The following L3HYPDH variants were observed in gnomAD, a reference collection of about 807,000 sequenced individuals.
L3HYPDH encodes trans-L-3-hydroxyproline dehydratase, also known as trans-3-hydroxy-L-proline dehydratase.
A neutral mutation model predicts 26.5 loss-of-function variants in L3HYPDH; 32 were observed. The observed-to-expected ratio is 1.21, with a 90% CI of 0.91 to 1.62. The LOEUF is 1.62. Among genes scored for constraint, L3HYPDH ranks in the 40% most tolerant of loss-of-function variants. The pLI is 0.00. For synonymous variants in L3HYPDH, 215 were observed against 196.6 expected (o/e 1.09, Z -0.78); for missense variants, 554 against 476.4 (o/e 1.16, Z -1.52).
chr14:59,488,330 C>T (rs1890736153), upstream of L3HYPDH, among the ~76,000 whole-genome samples: 1 of 151,984 alleles, frequency 6.6e-6, no homozygotes, highest in African/African-American at 2.4e-5. Context: ...TAGTCATAAT[C>T]TTGTGGAGAA....
At chr14:59,470,323 A>C (rs1010228960), downstream of L3HYPDH, among the ~76,000 whole-genome samples, 1 of 152,234 alleles carries the variant, frequency 6.6e-6, no homozygotes, top group African/African-American at 2.4e-5. Flanking sequence ...GTGTCTGATG[A>C]ATGAGAATCT....
At chr14:59,495,386 G>T in the L3HYPDH span, 1 of 586,932 alleles carries the variant, frequency 1.7e-6, no homozygotes, top group Non-Finnish European at 3.0e-6. Context: ...TGTAACTTCA[G>T]TTTTCTCTTT....
chr14:59,475,811 G>A (rs1889585429), intron 4 of L3HYPDH, 58 bp downstream of exon 4: 15 of 1,502,520 alleles, frequency 1.0e-5, no homozygotes, highest in Admixed American at 2.0e-5. Flanking sequence ...CCCAACTCAG[G>A]CCTCTCCAGT....
At position 59,472,858 on chromosome 14, in the gene L3HYPDH, GAGTT is replaced by G. The variant is rs1889361273; in HGVS notation, c.*103_*106del. On this transcript the variant is annotated 3_prime_UTR_variant, in exon 5 of 5. Coordinates refer to ENST00000247194, the MANE Select transcript of L3HYPDH (RefSeq NM_144581.2). ...CAGGGTAGTATTTTACAAAGAATGAGAGTTAGTTTATATGTATAATTTATTTGTT... is the reference window on the plus strand; with the variant it reads ...CAGGGTAGTATTTTACAAAGAATGAGAGTTTATATGTATAATTTATTTGTT... 1.0e-6 allele frequency: 1 copy of G among 987,416 alleles called. No individual in the cohort carries two copies. The highest frequency in any genetic ancestry group is 1.4e-6 in the Non-Finnish European group (1 of 702,418). 61.2% of individuals were successfully genotyped at this position (987,416 alleles called of 1,614,324 possible).
the L3HYPDH span, among the ~76,000 whole-genome samples, chr14:59,492,727 T>G: frequency 6.6e-6 from 1 of 152,140 alleles, no homozygotes; most frequent in Admixed American, 6.5e-5. Flanking sequence ...CATAAATGTT[T>G]TGTTAAGTCT....
the L3HYPDH span, among the ~76,000 whole-genome samples, chr14:59,502,399 A>C: frequency 6.6e-6 from 1 of 152,170 alleles, no homozygotes; most frequent in African/African-American, 2.4e-5. Context: ...ATAATTCCTA[A>C]CAGAGAAAAC....
the L3HYPDH span, among the ~76,000 whole-genome samples, chr14:59,490,301 G>C: frequency 6.6e-6 from 1 of 152,174 alleles, no homozygotes; most frequent in Admixed American, 6.5e-5. Flanking sequence ...ACAGCTCCAA[G>C]TCATTCATGA....
intron 1 of L3HYPDH, among the ~76,000 whole-genome samples, chr14:59,482,375 G>C (rs977293876): frequency 2.0e-5 from 3 of 152,146 alleles, no homozygotes; most frequent in Non-Finnish European, 4.4e-5. Flanking sequence ...GATGCTCTCA[G>C]GAACTACTGA....
the L3HYPDH span, chr14:59,503,940 T>A: frequency 6.2e-7 from 1 of 1,613,688 alleles, no homozygotes; most frequent in African/African-American, 1.3e-5. Context: ...TAATCTCCAT[T>A]TCCAGAGTGG....
chr14:59,482,779 T>C (rs958648482), intron 1 of L3HYPDH, among the ~76,000 whole-genome samples: 12 of 152,204 alleles, frequency 7.9e-5, no homozygotes, highest in African/African-American at 2.9e-4. Context: ...TCAGGGGGAA[T>C]CAAGGTCCAA....
chr14:59,490,659 A>G, the L3HYPDH span, among the ~76,000 whole-genome samples: 1,116 of 152,348 alleles, frequency 7.3e-3, 14 homozygotes, highest in African/African-American at 0.025. Context: ...GGTTATTTAC[A>G]TTGGGAAAGC....
chr14:59,474,488 G>A (rs760547164), intron 4 of L3HYPDH: 1 of 699,298 alleles, frequency 1.4e-6, no homozygotes, highest in African/African-American at 1.8e-5. Flanking sequence ...TCTCTATTTG[G>A]GGGGACATTG....
At chr14:59,501,835 A>G in the L3HYPDH span, among the ~76,000 whole-genome samples, 2 of 152,156 alleles carry the variant, frequency 1.3e-5, no homozygotes, top group African/African-American at 2.4e-5. Flanking sequence ...TAATATTTTA[A>G]TATTTCAGTG....
At chr14:59,501,312 T>C in the L3HYPDH span, 1 of 1,247,026 alleles carries the variant, frequency 8.0e-7, no homozygotes, top group Non-Finnish European at 1.2e-6. Flanking sequence ...TTGATAAATT[T>C]GACAATTCAA....
chr14:59,472,925 G>A lies in L3HYPDH; in HGVS notation c.*40C>T. ...AGAGAAAACAGTCCTTAAGGATAAT[G>A]ATTACTTTAAAAAGAAAGCCCTTAA... On this transcript the variant is annotated 3_prime_UTR_variant, in exon 5 of 5. Coordinates refer to ENST00000247194, the MANE Select transcript of L3HYPDH (RefSeq NM_144581.2). 1 of 1,535,952 alleles carries A rather than the reference G, an allele frequency of 6.5e-7. No individual in the cohort carries two copies.
upstream of L3HYPDH, among the ~76,000 whole-genome samples, chr14:59,488,992 T>C (rs928292142): frequency 1.3e-5 from 2 of 152,268 alleles, no homozygotes; most frequent in African/African-American, 4.8e-5. Context: ...GGACAGGCAG[T>C]CTGAAAGACT....
At chr14:59,474,679 C>G in intron 4 of L3HYPDH, 1 of 568,516 alleles carries the variant, frequency 1.8e-6, no homozygotes, top group East Asian at 3.0e-5. Flanking sequence ...TTCTCCAATT[C>G]TCCGTTTTAT....
At chr14:59,505,224 A>C in the L3HYPDH span, 1 of 1,369,368 alleles carries the variant, frequency 7.3e-7, no homozygotes. Flanking sequence ...AATTCACAGC[A>C]GTTGTATCCT....
chr14:59,466,898 T>C (rs1889198972), intron 1 of L3HYPDH, among the ~76,000 whole-genome samples: 1 of 152,204 alleles, frequency 6.6e-6, no homozygotes, highest in East Asian at 1.9e-4. Context: ...CAACTAAAAC[T>C]GTCTTCAGAT....
Sources: gnomAD v4.1 joint callset for allele counts (sites outside exome capture counted in the v4.1 genomes callset) on GRCh38, gnomAD v4.1.1 for gene constraint, MANE v1.5 for transcripts, NCBI Gene and HGNC (gene_info 2026-07-23, HGNC 2026-07-21) for gene names.